The following PLAAT3 variants were observed in gnomAD, a reference collection of about 807,000 sequenced individuals.
PLAAT3 encodes the protein Ca-independent phospholipase A1/2.
Under a neutral mutation model 16.7 loss-of-function variants are expected in PLAAT3, and 21 were observed. The ratio of observed to expected loss-of-function variants is 1.26; its 90% confidence interval spans 0.89 to 1.81. The LOEUF is 1.81. Ranked by LOEUF, PLAAT3 falls within the 40% of genes most tolerant of loss-of-function variation. The pLI is 0.00. For synonymous variants in PLAAT3, 76 were observed against 81.7 expected (o/e 0.93, Z 0.38); for missense variants, 219 against 213.7 (o/e 1.02, Z -0.16).
intron 2 of PLAAT3, among the ~76,000 whole-genome samples, chr11:63,600,583 G>GTTTTTTTTTGT (rs1555045453): frequency 7.5e-6 from 1 of 132,624 alleles, no homozygotes; most frequent in African/African-American, 2.8e-5. Flanking sequence ...TGGTTTTTTT[G>GTTTTTTTTTGT]TTTTTTTTGT....
At chr11:63,578,814 A>C (rs1294524196) in intron 4 of PLAAT3, among the ~76,000 whole-genome samples, 2 of 151,574 alleles carry the variant, frequency 1.3e-5, no homozygotes, top group African/African-American at 4.8e-5. Context: ...AGGCATGGGC[A>C]AGGACTTCAT....
intron 4 of PLAAT3, among the ~76,000 whole-genome samples, chr11:63,581,662 C>G (rs1452801452): frequency 6.6e-6 from 1 of 152,204 alleles, no homozygotes; most frequent in African/African-American, 2.4e-5. Context: ...ATCCTTGTGA[C>G]CTACTCCCTG....
At chr11:63,598,244 G>GGGGACCACTC in intron 2 of PLAAT3, 81 bp from the exon 3 acceptor site, 1 of 925,572 alleles carries the variant, frequency 1.1e-6, no homozygotes, top group Non-Finnish European at 1.8e-6. Context: ...AGGTGCAGCT[G>GGGGACCACTC]AGTGGTCCCC....
chr11:63,597,975 T>A, intron 3 of PLAAT3, 86 bp downstream of exon 3: 1 of 865,846 alleles, frequency 1.2e-6, no homozygotes, highest in Non-Finnish European at 1.9e-6. Context: ...AGAAGAATGT[T>A]GGGGTCACCT....
Position 63,574,857 on chromosome 11 carries a change from G to T in PLAAT3, c.*88C>A. ...AATAAGCCTTATTATAAATCACAAT[G>T]AAATCCACAAACCAAACCCCAAACT... On this transcript the variant is annotated 3_prime_UTR_variant, in exon 5 of 5. Coordinates refer to ENST00000415826, the MANE Select transcript of PLAAT3 (RefSeq NM_001128203.2). 1.3e-6 allele frequency: 1 copy of T among 775,884 alleles called. No homozygotes were observed. The highest frequency in any genetic ancestry group is 2.5e-5 in the East Asian group (1 of 40,672). 48.1% of individuals were successfully genotyped at this position (775,884 alleles called of 1,614,324 possible).
Position 63,574,936 on chromosome 11 carries a change from C to A in PLAAT3, c.*9G>T. On this transcript the variant is annotated 3_prime_UTR_variant, in exon 5 of 5. Coordinates refer to ENST00000415826, the MANE Select transcript of PLAAT3 (RefSeq NM_001128203.2). ...ATAAAGTCATCGCTGACAGGACAGT[C>A]TTTTTCAGTTATTGCTTTTGTCGCT... The A allele has an allele frequency of 6.4e-7, 1 of 1,555,438 alleles. No homozygotes were observed. The highest frequency in any genetic ancestry group is 1.1e-5 in the South Asian group (1 of 89,860).
At chr11:63,579,711 A>G (rs1387854143) in intron 4 of PLAAT3, among the ~76,000 whole-genome samples, 11 of 103,724 alleles carry the variant, frequency 1.1e-4, no homozygotes, top group Non-Finnish European at 1.9e-4. Flanking sequence ...ATCACACACC[A>G]GGGCCTGTTG....
chr11:63,612,461 C>T (rs761043251), intron 2 of PLAAT3, among the ~76,000 whole-genome samples: 13 of 152,158 alleles, frequency 8.5e-5, no homozygotes, highest in Non-Finnish European at 1.2e-4. Flanking sequence ...ATGGTTAAGG[C>T]TTTTCCTTTG....
chr11:63,609,591 G>A lies in PLAAT3; in HGVS notation c.15+4409C>T, dbSNP rs540518391. ...GAGACCCCATGCCGCACGCAGGCTG[G>A]GTGAGGACAGGGAGGAGAAGGAGGC... On this transcript the variant is annotated intron_variant, in intron 2 of 4. Coordinates refer to ENST00000415826, the MANE Select transcript of PLAAT3 (RefSeq NM_001128203.2). Among the ~76,000 whole-genome samples the A allele has an allele frequency of 1.7e-4, 26 of 152,350 alleles. No individual in the cohort carries two copies. The East Asian group carries it at 3.9e-3, about 23-fold the overall frequency.
At chr11:63,575,327 C>T (rs1565244650) in intron 4 of PLAAT3, among the ~76,000 whole-genome samples, 1 of 152,220 alleles carries the variant, frequency 6.6e-6, no homozygotes, top group Non-Finnish European at 1.5e-5. Flanking sequence ...CAGAGCGTGG[C>T]TGTGGAAAGG....
At chr11:63,587,591 G>A (rs560138564) in intron 4 of PLAAT3, among the ~76,000 whole-genome samples, 17 of 131,642 alleles carry the variant, frequency 1.3e-4, no homozygotes, top group African/African-American at 4.6e-4. Flanking sequence ...GTCTCACTCT[G>A]TCACCCAGGC....
At position 63,601,562 on chromosome 11, in the gene PLAAT3, C is replaced by T. The variant is rs75086090; in HGVS notation, c.16-3399G>A. Reference sequence around the variant, plus strand: ...AAAGACAGTGGGCTCACCTATGGAGCCCTACACACTAGTTAGGAGCAAGGG... The same window carrying T: ...AAAGACAGTGGGCTCACCTATGGAGTCCTACACACTAGTTAGGAGCAAGGG... On this transcript the variant is annotated intron_variant, in intron 2 of 4. Coordinates refer to ENST00000415826, the MANE Select transcript of PLAAT3 (RefSeq NM_001128203.2). 8.0e-3 allele frequency among the ~76,000 whole-genome samples: 1,213 copies of T among 152,102 alleles called. 13 individuals carry two copies. The highest frequency in any genetic ancestry group is 0.027 in the African/African-American group (1,130 of 41,476).
rs1938120691 is a variant in PLAAT3, at chr11:63,590,373, A to G, written c.119-5T>C. The G allele has an allele frequency of 6.2e-7, 1 of 1,613,180 alleles. No homozygotes were observed. Among genetic ancestry groups the G allele is most frequent in the Admixed American group, 1.7e-5 (1 of 59,996 alleles). On this transcript the variant is annotated splice_region_variant and splice_polypyrimidine_tract_variant and intron_variant, in intron 3 of 4. Coordinates refer to ENST00000415826, the MANE Select transcript of PLAAT3 (RefSeq NM_001128203.2). ...CACCAGCTCCTGCGACCTCACCTGC[A>G]GATCCACAAAGAGGAAACAGAGGGA... is the stretch of plus-strand genomic sequence containing the variant.
At chr11:63,596,292 C>T (rs570232914) in intron 3 of PLAAT3, among the ~76,000 whole-genome samples, 22 of 144,044 alleles carry the variant, frequency 1.5e-4, no homozygotes, top group Non-Finnish European at 2.7e-4. Flanking sequence ...TACAAAGTCA[C>T]GGCATAAAAA....
At chr11:63,576,544 A>AC (rs762391650) in intron 4 of PLAAT3, among the ~76,000 whole-genome samples, 4 of 152,062 alleles carry the variant, frequency 2.6e-5, no homozygotes, top group Non-Finnish European at 5.9e-5. Flanking sequence ...AATCACTTGA[A>AC]CCCGGGAAGT....
At chr11:63,598,796 T>C (rs1938354964) in intron 2 of PLAAT3, 1 of 490,634 alleles carries the variant, frequency 2.0e-6, no homozygotes, top group African/African-American at 2.0e-5. Context: ...CTGGCATCAG[T>C]CTCCAGCAGT....
At chr11:63,601,559 G>T (rs1938430699) in intron 2 of PLAAT3, among the ~76,000 whole-genome samples, 1 of 152,086 alleles carries the variant, frequency 6.6e-6, no homozygotes, top group South Asian at 2.1e-4. Context: ...CTCACCTATG[G>T]AGCCCTACAC....
rs2017638049 is a variant in PLAAT3, at chr11:63,574,898, AC to A, written c.*46del. The A allele has an allele frequency of 4.5e-6, 5 of 1,099,978 alleles. No homozygotes were observed. The South Asian group carries it at 5.0e-5, about 11-fold the overall frequency. The allele number at this position is 1,099,978 out of a possible 1,614,324, so 68.1% of individuals were successfully genotyped here. On this transcript the variant is annotated 3_prime_UTR_variant, in exon 5 of 5. Coordinates refer to ENST00000415826, the MANE Select transcript of PLAAT3 (RefSeq NM_001128203.2). ...ACCCCAAACTCTCTAGCAAAACAAG[AC>A]CCCCTTGATGTATAAAGTCATCGCT...
chr11:63,613,777 G>A (rs2030728), intron 2 of PLAAT3, among the ~76,000 whole-genome samples: 141,233 of 152,294 alleles, frequency 0.93, 66,432 homozygotes, highest in East Asian at 1. Context: ...CGCGTTTCAG[G>A]CAGGGCGCCC....
Sources: gnomAD v4.1 joint callset for allele counts (sites outside exome capture counted in the v4.1 genomes callset) on GRCh38, gnomAD v4.1.1 for gene constraint, MANE v1.5 for transcripts, NCBI Gene and HGNC (gene_info 2026-07-23, HGNC 2026-07-21) for gene names.